Variants in RUSC2 observed in about 807,000 individuals in gnomAD.
RUSC2 encodes AP-4 complex accessory subunit RUSC2.
A neutral mutation model predicts 122.2 loss-of-function variants in RUSC2; 34 were observed. That is an observed-to-expected ratio of 0.28 (90% confidence interval 0.21 to 0.37). The LOEUF is 0.37. RUSC2 is among the 10% of genes least tolerant of loss of function. RUSC2 has a pLI of 1.00. For missense variants in RUSC2, 1,747 were observed against 1,952.4 expected, an observed-to-expected ratio of 0.89 and a Z score of 1.98; for synonymous variants, 784 against 790.0, an observed-to-expected ratio of 0.99 and a Z score of 0.13.
intron 2 of RUSC2, among the ~76,000 whole-genome samples, chr9:35,554,817 G>A (rs1326963159): frequency 6.6e-6 from 1 of 151,502 alleles, no homozygotes; most frequent in Admixed American, 6.6e-5. Flanking sequence ...CTCACCTTTG[G>A]AGTCAAGAAA....
chr9:35,559,401 C>G, intron 9 of RUSC2, 129 bp downstream of exon 9: 1 of 806,164 alleles, frequency 1.2e-6, no homozygotes, highest in East Asian at 2.6e-5. Flanking sequence ...TCCTCAGAGC[C>G]TCAGGCTTCC....
chr9:35,504,448 T>C (rs528262653), intron 1 of RUSC2, among the ~76,000 whole-genome samples: 2 of 151,826 alleles, frequency 1.3e-5, no homozygotes, highest in South Asian at 2.1e-4. Flanking sequence ...TATTAAGATC[T>C]TAGTTTTTTG....
Position 35,547,634 on chromosome 9 carries a change from G to A in RUSC2, c.1113G>A (p.Glu371=). Residue 371 remains glutamate, a synonymous_variant, in exon 2 of 12, where the codon GAG becomes GAA. Coordinates refer to ENST00000361226, the MANE Select transcript of RUSC2 (RefSeq NM_014806.5). The surrounding 1 kb of genome is among the most constrained non-coding windows in gnomAD (Gnocchi z 4.6). Reference sequence around the variant, plus strand: ...GCAACTCCTACCGCCCACACTGTGAGCCGTGCCCAGCAGTGGCTGACCTCA... The same window carrying A: ...GCAACTCCTACCGCCCACACTGTGAACCGTGCCCAGCAGTGGCTGACCTCA... The part of the protein sequence containing the change: ...ANCNSYRPHC[E]PCPAVADLTA... 1 of 1,614,208 alleles carries A rather than the reference G, an allele frequency of 6.2e-7. No homozygotes were observed.
chr9:35,551,998 A>G (rs1429288331), intron 2 of RUSC2, among the ~76,000 whole-genome samples: 1 of 152,062 alleles, frequency 6.6e-6, no homozygotes, highest in East Asian at 1.9e-4. Context: ...CAGGAGTTTG[A>G]GGCACAGTGA....
rs757255957 is a variant in RUSC2 at position 35,547,378 on chromosome 9, C to A, written c.857C>A (p.Thr286Asn). The change falls in exon 2 of 12, where the codon ACC becomes AAC. Residue 286 changes from threonine (T) to asparagine (N), a missense_variant. Transcript: ENST00000361226. This position sits in a 1 kb window ranked among gnomAD's most constrained non-coding sequence, Gnocchi z 4.6. ...SSDGVLVTFS[T>N]LYNKMHGTPR... ...GATGGTGTGCTGGTCACCTTCAGCA[C>A]CCTCTACAACAAGATGCATGGCACC... The A allele has an allele frequency of 6.2e-7, 1 of 1,614,170 alleles. No homozygotes were observed. The highest frequency in any genetic ancestry group is 1.3e-5 in the African/African-American group (1 of 75,036).
Position 35,525,488 on chromosome 9 carries a change from A to AT in RUSC2, c.-92-20931dup, listed in dbSNP as rs957900059. 4.7e-3 allele frequency among the ~76,000 whole-genome samples: 691 copies of AT among 145,920 alleles called. 7 individuals carry two copies. Among genetic ancestry groups the AT allele is most frequent in the South Asian group, 7.4e-3 (34 of 4,618 alleles). The stretch of plus-strand genomic sequence containing the variant: ...TCTACAAACTTTAACCAACATCCCT[A>AT]TTTTTTTTTTTCCTTTAAAAAGAAT... On this transcript the variant is annotated intron_variant, in intron 1 of 11. Transcript: ENST00000361226.
intron 1 of RUSC2, among the ~76,000 whole-genome samples, chr9:35,502,130 G>A (rs1820828030): frequency 6.6e-6 from 1 of 152,064 alleles, no homozygotes; most frequent in South Asian, 2.1e-4. Flanking sequence ...CAGTACATCT[G>A]GCATGGGGCC....
At chr9:35,533,853 CCTT>C (rs769939407) in intron 1 of RUSC2, among the ~76,000 whole-genome samples, 2 of 152,100 alleles carry the variant, frequency 1.3e-5, no homozygotes, top group Non-Finnish European at 2.9e-5. Flanking sequence ...TTTATTTATC[CCTT>C]CTTCTGTTGA....
chr9:35,544,334 A>ACTCACTCT (rs1396384109), intron 1 of RUSC2, among the ~76,000 whole-genome samples: 1 of 136,872 alleles, frequency 7.3e-6, no homozygotes, highest in Non-Finnish European at 1.5e-5. Context: ...TTTGAGACAG[A>ACTCACTCT]GTCTCACTCT....
At chr9:35,552,230 G>A (rs999013204) in intron 2 of RUSC2, among the ~76,000 whole-genome samples, 2 of 149,698 alleles carry the variant, frequency 1.3e-5, no homozygotes, top group African/African-American at 2.5e-5. Flanking sequence ...GCATGGTGGC[G>A]CACGCCTGTA....
intron 1 of RUSC2, among the ~76,000 whole-genome samples, chr9:35,533,477 A>C (rs1303918199): frequency 2.0e-5 from 3 of 152,204 alleles, no homozygotes; most frequent in African/African-American, 7.2e-5. Flanking sequence ...ATTGAAATAT[A>C]ATTGACATAC....
chr9:35,555,248 G>C lies in RUSC2; in HGVS notation c.2203G>C (p.Ala735Pro), dbSNP rs1821985656. The change falls in exon 3 of 12, where the codon GCT becomes CCT. Residue 735 changes from alanine (A) to proline (P), a missense_variant. Physicochemically the swap from Ala to Pro is conservative, Grantham distance 27 (BLOSUM62 -1). Transcript: ENST00000361226. The surrounding 1 kb of genome is among the most constrained non-coding windows in gnomAD (Gnocchi z 4.6). ...CSRTQQPAPL[A>P]APAAQVSVPA... is the part of the protein sequence containing the mutation. ...CCGTACACAGCAGCCTGCCCCACTG[G>C]CTGCCCCTGCTGCTCAAGTCTCAGT... 1.2e-6 allele frequency: 2 copies of C among 1,612,984 alleles called. No individual in the cohort carries two copies. Among genetic ancestry groups the C allele is most frequent in the South Asian group, 2.2e-5 (2 of 91,080 alleles).
chr9:35,511,229 A>G (rs1821005589), intron 1 of RUSC2, among the ~76,000 whole-genome samples: 1 of 152,214 alleles, frequency 6.6e-6, no homozygotes, highest in African/African-American at 2.4e-5. Context: ...AGCAGTCCCT[A>G]TTGGAAGCAG....
chr9:35,561,280 C>A lies in RUSC2; in HGVS notation c.4449C>A (p.Asp1483Glu). Residue 1483 changes from aspartate (D) to glutamate (E), a missense_variant, in exon 12 of 12, where the codon GAC (aspartate) becomes GAA (glutamate). Physicochemically the swap from Asp to Glu is conservative, Grantham distance 45. Coordinates refer to ENST00000361226, the MANE Select transcript of RUSC2 (RefSeq NM_014806.5). ...GAGTGCTGGGGCGAGCTGGAGGAGA[C>A]TGGCTGCGCTGCAGCCGTGGCCCCG... ...ILRVLGRAGGDWLRCSRGPDS... is the reference protein window; with the variant it reads ...ILRVLGRAGGEWLRCSRGPDS... 6.2e-7 allele frequency: 1 copy of A among 1,614,108 alleles called. No homozygotes were observed. The highest frequency in any genetic ancestry group is 8.5e-7 in the Non-Finnish European group (1 of 1,179,984).
At position 35,560,581 on chromosome 9, in the gene RUSC2, C is replaced by A; in HGVS notation, c.3941C>A (p.Ala1314Asp). 1 of 1,613,934 alleles carries A rather than the reference C, an allele frequency of 6.2e-7. No individual in the cohort carries two copies. The highest frequency in any genetic ancestry group is 8.5e-7 in the Non-Finnish European group (1 of 1,179,910). Residue 1314 changes from alanine (A) to aspartate (D), a missense_variant, in exon 10 of 12, where the codon GCT becomes GAT. Coordinates refer to ENST00000361226, the MANE Select transcript of RUSC2 (RefSeq NM_014806.5). ...KGAGGGGPPQ[A>D]PPPREGVVEG... Reference sequence around the variant, plus strand: ...GCAGGAGGTGGGGGACCTCCCCAGGCTCCACCACCCCGAGAGGGAGTAGTG... The same window carrying A: ...GCAGGAGGTGGGGGACCTCCCCAGGATCCACCACCCCGAGAGGGAGTAGTG...
chr9:35,495,764 C>T (rs769013946), intron 1 of RUSC2, among the ~76,000 whole-genome samples: 22 of 152,092 alleles, frequency 1.4e-4, no homozygotes, highest in Non-Finnish European at 2.4e-4. Context: ...TTGGGTAATA[C>T]TGACACCTCT....
chr9:35,539,149 C>T (rs1297397950), intron 1 of RUSC2: 1 of 141,014 alleles, frequency 7.1e-6, no homozygotes, highest in Admixed American at 8.0e-5. Flanking sequence ...GGCAGAGATG[C>T]TAGGATACCG....
Position 35,548,240 on chromosome 9 carries a change from C to T in RUSC2, c.1719C>T (p.Phe573=). The change falls in exon 2 of 12, where the codon TTC becomes TTT. Residue 573 remains phenylalanine (F), a synonymous_variant. Coordinates refer to ENST00000361226, the MANE Select transcript of RUSC2 (RefSeq NM_014806.5). The surrounding 1 kb of genome is among the most constrained non-coding windows in gnomAD (Gnocchi z 4.5). ...GTGTTGGGGACTCCTCCCAGGAGTT[C>T]TCACCCATCCAAGAAGCCCAGCAAG... ...RVSVGDSSQE[F]SPIQEAQQDR... The T allele has an allele frequency of 1.2e-6, 2 of 1,613,690 alleles. No individual in the cohort carries two copies. Among genetic ancestry groups the T allele is most frequent in the Non-Finnish European group, 1.7e-6 (2 of 1,179,972 alleles).
Position 35,530,930 on chromosome 9 carries a change from C to T in RUSC2, c.-92-15500C>T, listed in dbSNP as rs1283044233. On this transcript the variant is annotated intron_variant, in intron 1 of 11. Transcript: ENST00000361226. ...CTGGGATTACAGGTGTGAGCCACTG[C>T]GCCTGGCTGGTAGAAAGGAACTTTG... Among the ~76,000 whole-genome samples the T allele has an allele frequency of 6.6e-5, 10 of 151,980 alleles. No individual in the cohort carries two copies. The East Asian group carries it at 7.8e-4, about 12-fold the overall frequency.
Sources: gnomAD v4.1 joint callset for allele counts (sites outside exome capture counted in the v4.1 genomes callset) on GRCh38, gnomAD v4.1.1 for gene constraint, Gnocchi (gnomAD v3.1) non-coding constraint, MANE v1.5 for transcripts, NCBI Gene and HGNC (gene_info 2026-07-23, HGNC 2026-07-21) for gene names.